The following RALY variants were observed in gnomAD, a reference collection of about 807,000 sequenced individuals.
RALY encodes the protein RALY heterogeneous nuclear ribonucleoprotein.
A neutral mutation model predicts 30.7 loss-of-function variants in RALY; 15 were observed. The ratio of observed to expected loss-of-function variants is 0.49; its 90% CI spans 0.33 to 0.75. RALY has a LOEUF of 0.75. Ranked by LOEUF, RALY falls within the 30% of genes least tolerant of loss-of-function variation. RALY has a pLI of 0.02. For synonymous variants in RALY, 177 were observed against 170.8 expected (o/e 1.04, Z -0.28); for missense variants, 339 against 414.3 (o/e 0.82, Z 1.58).
chr20:33,997,966 G>A (rs1024154500), intron 1 of RALY, among the ~76,000 whole-genome samples: 1 of 152,200 alleles, frequency 6.6e-6, no homozygotes, highest in African/African-American at 2.4e-5. Flanking sequence ...GACCCATGAG[G>A]TCAGTGTGTT....
chr20:34,054,566 C>G (rs1430740310), intron 2 of RALY, among the ~76,000 whole-genome samples: 2 of 152,228 alleles, frequency 1.3e-5, no homozygotes, highest in Admixed American at 1.3e-4. Context: ...TGGCTCAAGC[C>G]TGTAATCCCA....
At chr20:34,049,975 A>C (rs985079385) in intron 2 of RALY, among the ~76,000 whole-genome samples, 2 of 152,194 alleles carry the variant, frequency 1.3e-5, no homozygotes, top group African/African-American at 4.8e-5. Flanking sequence ...CTGACTGGGG[A>C]GAAAGAAAGG....
Position 34,073,840 on chromosome 20 carries a change from T to C in RALY, c.351T>C (p.Asp117=), listed in dbSNP as rs2033799362. The C allele has an allele frequency of 1.2e-6, 2 of 1,614,084 alleles. No individual in the cohort carries two copies. Among genetic ancestry groups the C allele is most frequent in the African/African-American group, 1.3e-5 (1 of 75,026 alleles). Residue 117 remains aspartate, a synonymous_variant, in exon 5 of 10, where the codon GAT becomes GAC. Transcript: ENST00000246194. ...CCAGTGGCTACATCTTTGACTATGA[T>C]TACTACCGGGACGACTTCTACGACA... The part of the protein sequence containing the change: ...AIYSGYIFDY[D]YYRDDFYDRL...
intron 1 of RALY, among the ~76,000 whole-genome samples, chr20:34,023,159 C>T (rs1182838430): frequency 6.6e-6 from 1 of 152,182 alleles, no homozygotes; most frequent in East Asian, 1.9e-4. Context: ...CTAGTCTAGG[C>T]AGTTTACGTA....
In RALY at chr20:33,999,502, C is replaced by T. The variant is rs578113063; in HGVS notation, c.-93+5371C>T. Reference sequence around the variant, plus strand: ...CAATCCTAGACATCCGGGTGTGGCACAGCCTGGAAACTGCTTACGTTAAGC... The same window carrying T: ...CAATCCTAGACATCCGGGTGTGGCATAGCCTGGAAACTGCTTACGTTAAGC... On this transcript the variant is annotated intron_variant, in intron 1 of 9. Coordinates refer to ENST00000246194, the MANE Select transcript of RALY (RefSeq NM_016732.3). 3.3e-5 allele frequency among the ~76,000 whole-genome samples: 5 copies of T among 152,298 alleles called. No homozygotes were observed. In the East Asian group the frequency reaches 7.7e-4, roughly 23 times the overall value.
intron 1 of RALY, among the ~76,000 whole-genome samples, chr20:34,025,224 C>T (rs2031973814): frequency 6.6e-6 from 1 of 152,178 alleles, no homozygotes; most frequent in Admixed American, 6.5e-5. Flanking sequence ...GTTGCCACCC[C>T]AGAGGCCTAG....
intron 2 of RALY, among the ~76,000 whole-genome samples, chr20:34,070,414 T>A (rs909212655): frequency 6.6e-6 from 1 of 152,040 alleles, no homozygotes; most frequent in Non-Finnish European, 1.5e-5. Context: ...ACGGGAAAAA[T>A]TTGTACAGCC....
intron 1 of RALY, among the ~76,000 whole-genome samples, chr20:34,018,069 C>T (rs925687928): frequency 1.3e-5 from 2 of 152,118 alleles, no homozygotes; most frequent in Non-Finnish European, 2.9e-5. Flanking sequence ...ACCAGGGAAC[C>T]AGCACAAACA....
At chr20:34,072,601 C>T (rs1360292506) in intron 3 of RALY, among the ~76,000 whole-genome samples, 1 of 152,194 alleles carries the variant, frequency 6.6e-6, no homozygotes, top group Admixed American at 6.5e-5. Flanking sequence ...TGCAGATTCT[C>T]CAGAGAAAGA....
At chr20:34,032,508 GT>G (rs11167225) in intron 2 of RALY, among the ~76,000 whole-genome samples, 112,030 of 151,664 alleles carry the variant, frequency 0.74, 41,811 homozygotes, top group South Asian at 0.85. Flanking sequence ...CTTTTTGTGT[GT>G]TGGGGGGGGT....
At chr20:34,068,383 G>A (rs2033637277) in intron 2 of RALY, among the ~76,000 whole-genome samples, 1 of 152,220 alleles carries the variant, frequency 6.6e-6, no homozygotes, top group Non-Finnish European at 1.5e-5. Context: ...TTGGTCTGTG[G>A]AAGTGGGTGT....
chr20:34,055,850 TGG>T (rs1363867172), intron 2 of RALY, among the ~76,000 whole-genome samples: 6 of 152,392 alleles, frequency 3.9e-5, no homozygotes, highest in African/African-American at 1.4e-4. Flanking sequence ...CTCCAGTTAA[TGG>T]ATCCATGGGC....
intron 1 of RALY, among the ~76,000 whole-genome samples, chr20:34,007,664 C>CA (rs2031218869): frequency 1.3e-5 from 2 of 151,448 alleles, no homozygotes; most frequent in African/African-American, 2.4e-5. Flanking sequence ...TACTAAAATA[C>CA]AAAAAATTAG....
intron 2 of RALY, among the ~76,000 whole-genome samples, chr20:34,037,502 T>C (rs2032541131): frequency 6.6e-6 from 1 of 152,202 alleles, no homozygotes; most frequent in Non-Finnish European, 1.5e-5. Context: ...AAGCAGAGAT[T>C]TGATTCCATT....
chr20:34,077,771 A>C, intron 8 of RALY: 1 of 213,332 alleles, frequency 4.7e-6, no homozygotes, highest in South Asian at 6.7e-5. Context: ...TCTGTGGGAT[A>C]TGGGTTGTAC....
chr20:34,040,174 A>C (rs1030989417), intron 2 of RALY, among the ~76,000 whole-genome samples: 1 of 152,130 alleles, frequency 6.6e-6, no homozygotes, highest in African/African-American at 2.4e-5. Context: ...AGAAGAGGAA[A>C]GAAAAAACTG....
At position 34,072,155 on chromosome 20, in the gene RALY, C is replaced by T. The variant is rs2033745011; in HGVS notation, c.81C>T (p.Asn27=). The change falls in exon 3 of 10, where the codon AAC becomes AAT. Residue 27 remains asparagine (N), a synonymous_variant. Transcript: ENST00000246194. The part of the protein sequence containing the change: ...KSINSRVFIG[N]LNTALVKKSD... ...TCAACTCTCGAGTCTTCATTGGAAA[C>T]CTCAACACAGCTCTGGTGAAGAAAT... The T allele has an allele frequency of 6.2e-7, 1 of 1,614,226 alleles. No homozygotes were observed. The highest frequency in any genetic ancestry group is 8.5e-7 in the Non-Finnish European group (1 of 1,180,032).
chr20:34,002,937 G>A (rs887187283), intron 1 of RALY, among the ~76,000 whole-genome samples: 8 of 152,194 alleles, frequency 5.3e-5, no homozygotes, highest in African/African-American at 1.9e-4. Flanking sequence ...TATCTGAGGT[G>A]TGGTTTCTGG....
At chr20:34,066,420 A>G (rs1280109648) in intron 2 of RALY, among the ~76,000 whole-genome samples, 1 of 152,220 alleles carries the variant, frequency 6.6e-6, no homozygotes, top group African/African-American at 2.4e-5. Context: ...CGGAGGTTGC[A>G]GTGAGCCAAG....
Sources: allele counts gnomAD v4.1 joint callset (sites outside exome capture counted in the v4.1 genomes callset), GRCh38; gene constraint gnomAD v4.1.1; transcripts MANE v1.5; gene names NCBI Gene and HGNC (gene_info 2026-07-23, HGNC 2026-07-21).